Variants in TBC1D30 observed in about 807,000 individuals in gnomAD.
TBC1D30 encodes the protein TBC1 domain family, member 30.
Under a neutral mutation model 63.2 loss-of-function variants are expected in TBC1D30, and 31 were observed. That is an observed-to-expected ratio of 0.49 (90% CI 0.37 to 0.66). TBC1D30 has a LOEUF of 0.66. TBC1D30 is among the 30% of genes least tolerant of loss of function. TBC1D30 has a pLI of 0.00. For synonymous variants in TBC1D30, 307 were observed against 361.5 expected, an observed-to-expected ratio of 0.85 and a Z score of 1.71; for missense variants, 810 against 953.6, an observed-to-expected ratio of 0.85 and a Z score of 1.98.
chr12:64,767,391 C>A (rs969435388), intron 1 of TBC1D30, among the ~76,000 whole-genome samples: 1 of 151,936 alleles, frequency 6.6e-6, no homozygotes, highest in Non-Finnish European at 1.5e-5. Flanking sequence ...CAAGCTCAAC[C>A]AAGTATTAGT....
At chr12:64,852,090 T>G (rs927346232) in intron 8 of TBC1D30, among the ~76,000 whole-genome samples, 11 of 152,214 alleles carry the variant, frequency 7.2e-5, no homozygotes, top group Admixed American at 7.2e-4. Context: ...GAAGTTCTCC[T>G]GGGTAATATC....
chr12:64,776,922 G>C (rs994190294), upstream of TBC1D30, among the ~76,000 whole-genome samples: 1 of 152,168 alleles, frequency 6.6e-6, no homozygotes, highest in Non-Finnish European at 1.5e-5. Flanking sequence ...GACCAAGTGG[G>C]CTTCATCCCT....
chr12:64,833,048 C>T (rs1875010941), intron 5 of TBC1D30, among the ~76,000 whole-genome samples: 1 of 152,134 alleles, frequency 6.6e-6, no homozygotes, highest in African/African-American at 2.4e-5. Flanking sequence ...GAGAAGGGCT[C>T]ATACAAGGGT....
chr12:64,770,019 C>CT (rs1178566859), intron 1 of TBC1D30, among the ~76,000 whole-genome samples: 1 of 152,096 alleles, frequency 6.6e-6, no homozygotes, highest in African/African-American at 2.4e-5. Context: ...AACTTTTATA[C>CT]GATTCAAAGT....
Position 64,876,980 on chromosome 12 carries a change from A to C in TBC1D30, c.*1192A>C, listed in dbSNP as rs1293801889. 2 of 453,104 alleles carry C rather than the reference A, an allele frequency of 4.4e-6. No individual in the cohort carries two copies. The highest frequency in any genetic ancestry group is 8.9e-6 in the Non-Finnish European group (2 of 225,008). 28.1% of individuals were successfully genotyped at this position (453,104 alleles called of 1,614,324 possible). A position where few individuals can be genotyped will look rare whatever the true frequency, so the allele number is the denominator to read the frequency against. On this transcript the variant is annotated 3_prime_UTR_variant, in exon 12 of 12. Transcript: ENST00000539867. ...CAAGTGACTTAGCCACATTTCCTTC[A>C]GTGCAATAGGTGGGTTTAATGCTCT...
intron 11 of TBC1D30, among the ~76,000 whole-genome samples, chr12:64,872,416 TAC>T (rs1878726675): frequency 6.6e-6 from 1 of 152,184 alleles, no homozygotes; most frequent in Admixed American, 6.5e-5. Flanking sequence ...CTAAAATATT[TAC>T]AGTCTGGTCC....
intron 1 of TBC1D30, among the ~76,000 whole-genome samples, chr12:64,771,348 A>G (rs1870899760): frequency 6.6e-6 from 1 of 152,140 alleles, no homozygotes; most frequent in South Asian, 2.1e-4. Context: ...CTGAGCCCAG[A>G]TCGAGATGGA....
chr12:64,840,352 G>A (rs1592620185), intron 7 of TBC1D30, among the ~76,000 whole-genome samples: 1 of 152,328 alleles, frequency 6.6e-6, no homozygotes, highest in Middle Eastern at 3.4e-3. Flanking sequence ...TGTATGATGA[G>A]TCAGTTATAA....
chr12:64,824,702 C>T lies in TBC1D30; in HGVS notation c.-178C>T. On this transcript the variant is annotated 5_prime_UTR_variant, in exon 1 of 12. Transcript: ENST00000539867. ...GCTGGCTTCCCTGCGCTCGGCGGCT[C>T]CCGCGGTGCCCCGTAAGTCCCCGTG... 1.2e-6 allele frequency: 1 copy of T among 826,002 alleles called. No individual in the cohort carries two copies. Among genetic ancestry groups the T allele is most frequent in the Non-Finnish European group, 1.8e-6 (1 of 563,212 alleles). 51.2% of individuals were successfully genotyped at this position (826,002 alleles called of 1,614,324 possible).
intron 3 of TBC1D30, 101 bp from the exon 4 acceptor site, chr12:64,830,276 G>C: frequency 8.3e-7 from 1 of 1,200,480 alleles, no homozygotes; most frequent in Non-Finnish European, 1.1e-6. Flanking sequence ...CTGGTCTAGG[G>C]ACACTTCCCA....
intron 4 of TBC1D30, 57 bp downstream of exon 4, chr12:64,830,559 A>T (rs899342466): frequency 1.4e-6 from 2 of 1,423,144 alleles, no homozygotes; most frequent in Non-Finnish European, 1.9e-6. Flanking sequence ...TCTAAAAGCC[A>T]GTTGCTTTTT....
At position 64,828,523 on chromosome 12, in the gene TBC1D30, A is replaced by G; in HGVS notation, c.282+14A>G. On this transcript the variant is annotated intron_variant, in intron 3 of 11. Transcript: ENST00000539867. ...TGGAGGAGAAAGGTAAGGAGGACTCATAGGGCTAGAATACAGAAGGATCAT... is the reference window on the plus strand; with the variant it reads ...TGGAGGAGAAAGGTAAGGAGGACTCGTAGGGCTAGAATACAGAAGGATCAT... 1 of 1,519,136 alleles carries G rather than the reference A, an allele frequency of 6.6e-7. No individual in the cohort carries two copies. Among genetic ancestry groups the G allele is most frequent in the East Asian group, 2.5e-5 (1 of 40,812 alleles). The allele number at this position is 1,519,136 out of a possible 1,614,324, so 94.1% of individuals were successfully genotyped here. A position where few individuals can be genotyped will look rare whatever the true frequency, so the allele number is the denominator to read the frequency against.
chr12:64,873,466 CAA>C (rs1377017709), intron 11 of TBC1D30, among the ~76,000 whole-genome samples: 1 of 152,040 alleles, frequency 6.6e-6, no homozygotes, highest in Non-Finnish European at 1.5e-5. Flanking sequence ...CAATGTGTGA[CAA>C]AGAGACAGGG....
At chr12:64,834,606 C>T (rs1469211480) in intron 5 of TBC1D30, among the ~76,000 whole-genome samples, 2 of 151,206 alleles carry the variant, frequency 1.3e-5, no homozygotes, top group Admixed American at 6.6e-5. Context: ...GGGGTTTCAC[C>T]ATGTTGACCA....
chr12:64,878,428 G>C lies in TBC1D30; in HGVS notation c.*2640G>C, dbSNP rs766131052. 2 of 456,650 alleles carry C rather than the reference G, an allele frequency of 4.4e-6. No individual in the cohort carries two copies. Among genetic ancestry groups the C allele is most frequent in the South Asian group, 3.1e-5 (2 of 64,564 alleles). The allele number at this position is 456,650 out of a possible 1,614,324, so 28.3% of individuals were successfully genotyped here. On this transcript the variant is annotated 3_prime_UTR_variant, in exon 12 of 12. Coordinates refer to ENST00000539867, the MANE Select transcript of TBC1D30 (RefSeq NM_015279.2). ...TTTTAGATATGTCTGTAGCCTCTTAGCCCTTTTGCCGGGAATCAACTCATT... is the reference window on the plus strand; with the variant it reads ...TTTTAGATATGTCTGTAGCCTCTTACCCCTTTTGCCGGGAATCAACTCATT...
intron 5 of TBC1D30, among the ~76,000 whole-genome samples, chr12:64,832,932 A>C (rs1592608529): frequency 6.6e-6 from 1 of 152,290 alleles, no homozygotes; most frequent in South Asian, 2.1e-4. Context: ...GCAAGGCAAA[A>C]GAGTTTAAGT....
chr12:64,774,155 G>A (rs1870995733), intron 1 of TBC1D30, among the ~76,000 whole-genome samples: 1 of 152,152 alleles, frequency 6.6e-6, no homozygotes, highest in Non-Finnish European at 1.5e-5. Flanking sequence ...GCAATCACAA[G>A]TATTAATAGC....
chr12:64,781,218 C>G (rs984817572), exon 1 of TBC1D30: 2 of 1,130,874 alleles, frequency 1.8e-6, no homozygotes, highest in South Asian at 1.7e-5. Context: ...GCCGGCGACT[C>G]CCGCGTGCTG....
At position 64,875,784 on chromosome 12, in the gene TBC1D30, G is replaced by A. The variant is rs1472968763; in HGVS notation, c.2282G>A (p.Arg761Gln). 8.5e-6 allele frequency: 13 copies of A among 1,527,816 alleles called. No individual in the cohort carries two copies. Among genetic ancestry groups the A allele is most frequent in the Non-Finnish European group, 1.1e-5 (13 of 1,143,042 alleles). 94.6% of individuals were successfully genotyped at this position (1,527,816 alleles called of 1,614,324 possible). ...GGTGGAAACAGTGGCACTAAAAAAC[G>A]ATGATGTCTCCCCGAAACTTTGTAT... is the stretch of plus-strand genomic sequence containing the variant. ...PGGGNSGTKK[R>Q] is the part of the protein sequence containing the mutation. The change falls in exon 12 of 12, where the codon CGA becomes CAA. Residue 761 changes from arginine to glutamine, a missense_variant. Around this residue, in one of 4 missense-constraint regions of TBC1D30, gnomAD observed 450 missense variants for 473.0 expected, o/e 0.95. Transcript: ENST00000539867.
Sources: allele counts gnomAD v4.1 joint callset (sites outside exome capture counted in the v4.1 genomes callset), GRCh38; gene constraint gnomAD v4.1.1; regional missense constraint gnomAD v4.1.1; transcripts MANE v1.5; gene names NCBI Gene and HGNC (gene_info 2026-07-23, HGNC 2026-07-21).